The following KLF12 variants were observed in gnomAD, a reference collection of about 807,000 sequenced individuals.
KLF12 encodes Krueppel-like factor 12.
A neutral mutation model predicts 37.8 loss-of-function variants in KLF12; 9 were observed. The ratio of observed to expected loss-of-function variants is 0.24; its 90% CI spans 0.14 to 0.42. KLF12 has a LOEUF of 0.42. Among genes scored for constraint, KLF12 ranks in the 10% least tolerant of loss-of-function variants. The pLI, the probability that KLF12 is intolerant of heterozygous loss-of-function variation, is 1.00. For missense variants in KLF12, 411 were observed against 516.0 expected (o/e 0.80, Z 1.97); for synonymous variants, 208 against 202.1 (o/e 1.03, Z -0.25).
intron 7 of KLF12, among the ~76,000 whole-genome samples, chr13:73,714,012 T>A (rs898162900): frequency 6.6e-6 from 1 of 152,224 alleles, no homozygotes; most frequent in Non-Finnish European, 1.5e-5. Flanking sequence ...TGGAATATAC[T>A]TACTCAATTT....
chr13:73,959,764 A>G (rs150432370), intron 2 of KLF12, among the ~76,000 whole-genome samples: 45 of 152,258 alleles, frequency 3.0e-4, no homozygotes, highest in African/African-American at 1.1e-3. Flanking sequence ...ACACATTATC[A>G]GGTAAATGCT....
chr13:73,687,946 AATT>A lies in KLF12; in HGVS notation c.*7541_*7543del, dbSNP rs1388078886. The A allele has an allele frequency of 1.3e-5, 2 of 152,214 alleles. No homozygotes were observed. The highest frequency in any genetic ancestry group is 2.9e-5 in the Non-Finnish European group (2 of 68,032). The allele number at this position is 152,214 out of a possible 1,614,324, so 9.4% of individuals were successfully genotyped here. ...CAAGTTGTGGTTTTTGTTGTGGAGA[AATT>A]ATTGCTTGTGAAACCCAATTAACTG... On this transcript the variant is annotated 3_prime_UTR_variant, in exon 8 of 8. Transcript: ENST00000377669.
chr13:73,824,399 T>C (rs983629533), intron 4 of KLF12, among the ~76,000 whole-genome samples: 2 of 146,906 alleles, frequency 1.4e-5, no homozygotes, highest in African/African-American at 4.9e-5. Flanking sequence ...ATGTTGTATC[T>C]GTGAATGTCA....
At chr13:73,873,461 T>C (rs144713891) in intron 3 of KLF12, among the ~76,000 whole-genome samples, 3,742 of 152,290 alleles carry the variant, frequency 0.025, 80 homozygotes, top group Non-Finnish European at 0.035. Flanking sequence ...GGTTGTTGTG[T>C]CTTTACTGTT....
At chr13:74,182,457 A>G in the KLF12 span, among the ~76,000 whole-genome samples, 2 of 152,194 alleles carry the variant, frequency 1.3e-5, no homozygotes, top group African/African-American at 4.8e-5. Context: ...AACACCACAT[A>G]TATGATGGTC....
At chr13:73,715,744 G>C (rs182450363) in intron 6 of KLF12, among the ~76,000 whole-genome samples, 5 of 152,292 alleles carry the variant, frequency 3.3e-5, no homozygotes, top group East Asian at 1.9e-4. Context: ...GGGAGAGAAA[G>C]ACATGCTTCA....
the KLF12 span, among the ~76,000 whole-genome samples, chr13:74,225,269 G>A: frequency 4.9e-4 from 74 of 152,156 alleles, 1 homozygote; most frequent in Admixed American, 2.3e-3. Context: ...CCACCTCTAC[G>A]AAGAAGATAC....
intron 3 of KLF12, among the ~76,000 whole-genome samples, chr13:73,919,037 C>G (rs147004425): frequency 6.6e-6 from 1 of 152,196 alleles, no homozygotes; most frequent in East Asian, 1.9e-4. Context: ...ACTGTTGGTA[C>G]TAACTCAAAG....
At chr13:74,068,196 A>G (rs1164223366) in intron 1 of KLF12, among the ~76,000 whole-genome samples, 1 of 152,268 alleles carries the variant, frequency 6.6e-6, no homozygotes, top group African/African-American at 2.4e-5. Flanking sequence ...TACTTAAGGA[A>G]GTGAAATAAG....
chr13:74,254,806 GTGTT>G, the KLF12 span, among the ~76,000 whole-genome samples: 1 of 152,104 alleles, frequency 6.6e-6, no homozygotes, highest in African/African-American at 2.4e-5. Flanking sequence ...GCGTGTGTGT[GTGTT>G]TATTTCTCTT....
the KLF12 span, among the ~76,000 whole-genome samples, chr13:74,179,097 G>T: frequency 6.6e-6 from 1 of 152,150 alleles, no homozygotes; most frequent in South Asian, 2.1e-4. Context: ...TTTGTGCATG[G>T]TCCAAATATA....
the KLF12 span, among the ~76,000 whole-genome samples, chr13:74,139,846 G>T: frequency 6.6e-6 from 1 of 151,716 alleles, no homozygotes; most frequent in Non-Finnish European, 1.5e-5. Context: ...AGGCATATGA[G>T]ATCTGAACTA....
chr13:74,210,607 C>G, the KLF12 span, among the ~76,000 whole-genome samples: 2 of 152,152 alleles, frequency 1.3e-5, no homozygotes, highest in Non-Finnish European at 2.9e-5. Flanking sequence ...AATTCATACC[C>G]TTTGCTAAAG....
chr13:73,850,761 C>T (rs1037389329), intron 3 of KLF12, among the ~76,000 whole-genome samples: 1 of 152,214 alleles, frequency 6.6e-6, no homozygotes, highest in African/African-American at 2.4e-5. Flanking sequence ...TCTATCTATC[C>T]TTTCAGTCAT....
At chr13:73,858,870 T>A (rs986233756) in intron 3 of KLF12, among the ~76,000 whole-genome samples, 2 of 152,238 alleles carry the variant, frequency 1.3e-5, no homozygotes, top group Admixed American at 6.5e-5. Flanking sequence ...AATCAGTGTC[T>A]TCAGAATGCA....
the KLF12 span, among the ~76,000 whole-genome samples, chr13:74,266,735 G>T: frequency 2.6e-5 from 4 of 152,292 alleles, no homozygotes; most frequent in African/African-American, 9.6e-5. Context: ...GGCCAGCACT[G>T]GTGGACTTAT....
In KLF12 at chr13:73,846,139, A is replaced by G; in HGVS notation, c.358T>C (p.Ser120Pro). Reference sequence around the variant, plus strand: ...GTTGGGGATGAGGCTAGACGACTAGAAGACGATGAAGAGGTTGAAGTTGAA... The same window carrying G: ...GTTGGGGATGAGGCTAGACGACTAGGAGACGATGAAGAGGTTGAAGTTGAA... Residue 120 changes from serine (S) to proline (P), a missense_variant, in exon 4 of 8, where the codon TCT (serine) becomes CCT (proline). Around this residue, in one of 2 missense-constraint regions of KLF12, gnomAD observed 351 missense variants for 397.8 expected, o/e 0.88. Coordinates refer to ENST00000377669, the MANE Select transcript of KLF12 (RefSeq NM_007249.5). 1 of 1,614,140 alleles carries G rather than the reference A, an allele frequency of 6.2e-7. No individual in the cohort carries two copies. The highest frequency in any genetic ancestry group is 8.5e-7 in the Non-Finnish European group (1 of 1,180,016).
chr13:74,055,246 A>G (rs1204526577), intron 1 of KLF12, among the ~76,000 whole-genome samples: 1 of 152,224 alleles, frequency 6.6e-6, no homozygotes, highest in East Asian at 1.9e-4. Flanking sequence ...GGCATCAAGT[A>G]GTTGGAAGTT....
chr13:73,755,591 T>C (rs558777385), intron 6 of KLF12, among the ~76,000 whole-genome samples: 1 of 151,758 alleles, frequency 6.6e-6, no homozygotes, highest in Non-Finnish European at 1.5e-5. Flanking sequence ...TGTGGGCTAA[T>C]ACTTAGGGTT....
Sources: gnomAD v4.1 joint callset for allele counts (sites outside exome capture counted in the v4.1 genomes callset) on GRCh38, gnomAD v4.1.1 for gene constraint, gnomAD v4.1.1 regional missense constraint, MANE v1.5 for transcripts, NCBI Gene and HGNC (gene_info 2026-07-23, HGNC 2026-07-21) for gene names.